The following FMN1 variants were observed in gnomAD, a reference collection of about 807,000 sequenced individuals.
FMN1 encodes formin 1.
FMN1 carries 110 observed loss-of-function variants against 132.4 expected under a neutral mutation model. That is an observed-to-expected ratio of 0.83 (90% CI 0.71 to 0.97). FMN1 has a LOEUF of 0.97. FMN1 is among the 50% of genes least tolerant of loss of function. FMN1 has a pLI of 0.00. For missense variants in FMN1, 1,792 were observed against 1,705.3 expected (o/e 1.05, Z -0.90); for synonymous variants, 722 against 651.7 (o/e 1.11, Z -1.64).
intron 19 of FMN1, among the ~76,000 whole-genome samples, chr15:32,788,491 C>A (rs1311066420): frequency 6.6e-6 from 1 of 152,156 alleles, no homozygotes; most frequent in Non-Finnish European, 1.5e-5. Flanking sequence ...AAAACTAGCA[C>A]TGAGAGCCTG....
chr15:33,087,573 A>C (rs763181051), intron 5 of FMN1, among the ~76,000 whole-genome samples: 1 of 152,162 alleles, frequency 6.6e-6, no homozygotes, highest in Non-Finnish European at 1.5e-5. Flanking sequence ...ACAACAACAA[A>C]AAGAAAACAG....
At chr15:33,167,301 A>G (rs1333667620) in intron 3 of FMN1, among the ~76,000 whole-genome samples, 1 of 152,182 alleles carries the variant, frequency 6.6e-6, no homozygotes, top group African/African-American at 2.4e-5. Flanking sequence ...TCCCCTGTAC[A>G]AGGTCTGTTG....
intron 17 of FMN1, among the ~76,000 whole-genome samples, chr15:32,814,858 T>C (rs890892738): frequency 1.3e-5 from 2 of 152,202 alleles, no homozygotes; most frequent in Non-Finnish European, 2.9e-5. Flanking sequence ...GCTTTATTAA[T>C]TGGTGAGAAT....
intron 6 of FMN1, among the ~76,000 whole-genome samples, chr15:33,036,392 T>C (rs1217729302): frequency 6.6e-6 from 1 of 152,234 alleles, no homozygotes; most frequent in Non-Finnish European, 1.5e-5. Context: ...TACCATGCTA[T>C]AAGGTTTTAT....
At chr15:33,049,814 T>G (rs1488671430) in intron 6 of FMN1, among the ~76,000 whole-genome samples, 2 of 152,204 alleles carry the variant, frequency 1.3e-5, no homozygotes, top group Non-Finnish European at 2.9e-5. Context: ...TTCACTTATG[T>G]TTTCTGTACG....
At chr15:32,970,669 C>T (rs935109322) in intron 7 of FMN1, 2 of 152,026 alleles carry the variant, frequency 1.3e-5, no homozygotes, top group Non-Finnish European at 2.9e-5. Context: ...ATTTTAACAG[C>T]CTTGGAGGGA....
At chr15:32,934,515 A>G (rs2061208669) in intron 9 of FMN1, among the ~76,000 whole-genome samples, 1 of 151,674 alleles carries the variant, frequency 6.6e-6, no homozygotes, top group Admixed American at 6.6e-5. Context: ...ATTTCTTGTA[A>G]GTCTAGTGGT....
chr15:33,004,863 A>T (rs1411567890), intron 7 of FMN1, among the ~76,000 whole-genome samples: 1 of 152,218 alleles, frequency 6.6e-6, no homozygotes, highest in Non-Finnish European at 1.5e-5. Flanking sequence ...CAGCCATAAA[A>T]AATGATGAGT....
At chr15:33,194,100 A>C (rs1966178472) in intron 1 of FMN1, 40 bp from the exon 2 acceptor site, 1 of 147,884 alleles carries the variant, frequency 6.8e-6, no homozygotes. Context: ...ATACCTTTCT[A>C]GTCATTGCCA....
chr15:32,891,557 G>A lies in FMN1; in HGVS notation c.3715-3265C>T, dbSNP rs569320893. On this transcript the variant is annotated intron_variant, in intron 15 of 20. Coordinates refer to ENST00000616417, the MANE Select transcript of FMN1 (RefSeq NM_001277313.2). ...CCTAGAGTTGTTTTTTTCTAATTCTGTTAAGAATGATGGTGGTATTTTGAT... is the reference window on the plus strand; with the variant it reads ...CCTAGAGTTGTTTTTTTCTAATTCTATTAAGAATGATGGTGGTATTTTGAT... Among the ~76,000 whole-genome samples, 52 of 152,158 alleles carry A rather than the reference G, an allele frequency of 3.4e-4. 1 individual carries two copies. The South Asian group carries it at 0.01, about 31-fold the overall frequency.
chr15:32,834,874 C>G (rs1477109722), intron 17 of FMN1, among the ~76,000 whole-genome samples: 2 of 152,186 alleles, frequency 1.3e-5, no homozygotes, highest in African/African-American at 4.8e-5. Context: ...ATATTCACCA[C>G]ACAGAGAAAT....
At chr15:33,131,209 A>T (rs1465003090) in intron 4 of FMN1, among the ~76,000 whole-genome samples, 1 of 151,826 alleles carries the variant, frequency 6.6e-6, no homozygotes, top group Non-Finnish European at 1.5e-5. Flanking sequence ...GACACCTGTA[A>T]TCCCAGCTAC....
At chr15:32,844,878 G>T (rs1223232000) in intron 17 of FMN1, among the ~76,000 whole-genome samples, 1 of 152,210 alleles carries the variant, frequency 6.6e-6, no homozygotes, top group Non-Finnish European at 1.5e-5. Flanking sequence ...ATAGTGCCAG[G>T]TTCTGAGCTA....
intron 6 of FMN1, among the ~76,000 whole-genome samples, chr15:33,020,654 AAAG>A (rs1427201470): frequency 7.0e-6 from 1 of 142,832 alleles, no homozygotes; most frequent in Non-Finnish European, 1.5e-5. Context: ...AAAAAAAAAA[AAAG>A]ACACTATGCT....
chr15:33,008,224 A>G lies in FMN1; in HGVS notation c.2162-149T>C, dbSNP rs74014137. The G allele has an allele frequency of 2.7e-3, 1,794 of 667,446 alleles. 34 individuals are homozygous for G. In the African/African-American group the frequency reaches 0.03, roughly 11 times the overall value. 41.3% of individuals were successfully genotyped at this position (667,446 alleles called of 1,614,324 possible). On this transcript the variant is annotated intron_variant, in intron 6 of 20. Transcript: ENST00000616417. ...GAGATGTTAAAAATTACAGAAAGAT[A>G]GGACAAGTAGTTCAGGGTAAAAGGT...
intron 6 of FMN1, among the ~76,000 whole-genome samples, chr15:33,050,269 G>A (rs1171516494): frequency 6.6e-6 from 1 of 152,076 alleles, no homozygotes; most frequent in Non-Finnish European, 1.5e-5. Context: ...TAAACTTTAG[G>A]TTGGAAAATG....
intron 19 of FMN1, among the ~76,000 whole-genome samples, chr15:32,780,305 A>G (rs2056622625): frequency 6.6e-6 from 1 of 152,200 alleles, no homozygotes. Flanking sequence ...TGCTGATAAA[A>G]TAGGTTGCAG....
intron 3 of FMN1, among the ~76,000 whole-genome samples, chr15:33,168,689 G>C (rs373420176): frequency 4.6e-5 from 7 of 152,330 alleles, no homozygotes; most frequent in African/African-American, 1.7e-4. Flanking sequence ...GTGATTAGGA[G>C]GTTGGCTGTG....
intron 7 of FMN1, among the ~76,000 whole-genome samples, chr15:33,002,568 G>A (rs973403484): frequency 1.3e-5 from 2 of 152,072 alleles, no homozygotes; most frequent in African/African-American, 4.8e-5. Context: ...AATTAATCAG[G>A]CAGGTAAAGT....
Sources: gnomAD v4.1 joint callset for allele counts (sites outside exome capture counted in the v4.1 genomes callset) on GRCh38, gnomAD v4.1.1 for gene constraint, MANE v1.5 for transcripts, NCBI Gene and HGNC (gene_info 2026-07-23, HGNC 2026-07-21) for gene names.